POLA2: variants seen among roughly 807,000 people sequenced by gnomAD.
The protein encoded by POLA2 is DNA polymerase alpha 2, accessory subunit.
Under a neutral mutation model 82.8 loss-of-function variants are expected in POLA2, and 47 were observed. The observed-to-expected ratio is 0.57, with a 90% CI of 0.45 to 0.72. The LOEUF is 0.72. Among genes scored for constraint, POLA2 ranks in the 30% least tolerant of loss-of-function variants. The pLI is 0.00. For synonymous variants in POLA2, 287 were observed against 286.8 expected (o/e 1.00, Z -0.01); for missense variants, 634 against 728.1 (o/e 0.87, Z 1.49).
At chr11:65,269,779 G>T (rs969052305) in intron 4 of POLA2, among the ~76,000 whole-genome samples, 1 of 152,162 alleles carries the variant, frequency 6.6e-6, no homozygotes, top group Admixed American at 6.5e-5. Flanking sequence ...TAAGAAAGAG[G>T]TAATTTACAT....
chr11:65,266,973 C>T (rs746829457), intron 2 of POLA2, among the ~76,000 whole-genome samples: 12 of 152,122 alleles, frequency 7.9e-5, no homozygotes, highest in African/African-American at 2.4e-4. Context: ...TTTGGGAGGC[C>T]GAGGCAGGCA....
At chr11:65,305,407 G>T (rs1270415497) in exon 9 of POLA2, 1 of 456,094 alleles carries the variant, frequency 2.2e-6, no homozygotes, top group Non-Finnish European at 4.4e-6. Context: ...ATCAAAATAG[G>T]TGGAAACCAG....
At chr11:65,305,537 G>A (rs1004060325) in exon 9 of POLA2, 21 of 387,902 alleles carry the variant, frequency 5.4e-5, no homozygotes, top group Middle Eastern at 7.5e-4. Context: ...AGCTGGGCAC[G>A]GTGGTGCGTG....
chr11:65,278,725 A>C lies in POLA2; in HGVS notation c.462-5A>C. On this transcript the variant is annotated splice_region_variant and splice_polypyrimidine_tract_variant and intron_variant, in intron 5 of 17. Coordinates refer to ENST00000265465, the MANE Select transcript of POLA2 (RefSeq NM_002689.4). ...GTAATATTAACCTGTTTTGCTTCCA[A>C]TTAGTGCTACTCCCTCCCAGAAATA... is the stretch of plus-strand genomic sequence containing the variant. 6.2e-7 allele frequency: 1 copy of C among 1,611,194 alleles called. No individual in the cohort carries two copies. Among genetic ancestry groups the C allele is most frequent in the Non-Finnish European group, 8.5e-7 (1 of 1,178,640 alleles).
intron 12 of POLA2, 140 bp from the exon 13 acceptor site, chr11:65,289,659 A>C (rs766989445): frequency 5.0e-6 from 3 of 604,868 alleles, no homozygotes; most frequent in Non-Finnish European, 8.9e-6. Flanking sequence ...CTTAAGACAA[A>C]GACCATGTCT....
At chr11:65,278,291 T>C (rs189357147) in intron 5 of POLA2, among the ~76,000 whole-genome samples, 1 of 152,306 alleles carries the variant, frequency 6.6e-6, no homozygotes, top group East Asian at 1.9e-4. Context: ...TTGAACCATA[T>C]TGTGAGTTTT....
chr11:65,281,949 C>T (rs1280542344), intron 9 of POLA2, among the ~76,000 whole-genome samples: 1 of 152,222 alleles, frequency 6.6e-6, no homozygotes, highest in East Asian at 1.9e-4. Context: ...TATATGGTCT[C>T]TGTCACAATG....
chr11:65,289,640 A>T (rs1354454573), intron 12 of POLA2, among the ~76,000 whole-genome samples, 159 bp from the exon 13 acceptor site: 10 of 152,118 alleles, frequency 6.6e-5, no homozygotes, highest in Non-Finnish European at 1.5e-5. Context: ...CTTCGACTAG[A>T]CTTAGCTCCT....
intron 5 of POLA2, among the ~76,000 whole-genome samples, 153 bp from the exon 6 acceptor site, chr11:65,278,577 G>A (rs541284872): frequency 6.6e-6 from 1 of 152,278 alleles, no homozygotes; most frequent in African/African-American, 2.4e-5. Context: ...TTAAAGGTCT[G>A]GGTATGTCCA....
intron 4 of POLA2, among the ~76,000 whole-genome samples, chr11:65,271,462 C>T (rs1949520379): frequency 6.6e-6 from 1 of 152,202 alleles, no homozygotes; most frequent in African/African-American, 2.4e-5. Context: ...AATTTGTTTA[C>T]TTTACTATTG....
chr11:65,297,103 TCTC>T lies in POLA2; in HGVS notation c.1648-13_1648-11del. The T allele has an allele frequency of 6.2e-7, 1 of 1,613,600 alleles. No individual in the cohort carries two copies. The highest frequency in any genetic ancestry group is 2.2e-5 in the East Asian group (1 of 44,862). On this transcript the variant is annotated splice_polypyrimidine_tract_variant and intron_variant, in intron 17 of 17. Coordinates refer to ENST00000265465, the MANE Select transcript of POLA2 (RefSeq NM_002689.4). ...GTTGAGGCTCTCCAAACCTGTCACC[TCTC>T]CTCTCCTCCCCAGGATGTCCTCGGC...
chr11:65,267,630 T>A, intron 3 of POLA2, 62 bp downstream of exon 3: 1 of 1,088,040 alleles, frequency 9.2e-7, no homozygotes, highest in Non-Finnish European at 1.4e-6. Flanking sequence ...AATTTGTCTG[T>A]AGTCGCATGT....
intron 4 of POLA2, among the ~76,000 whole-genome samples, chr11:65,272,482 T>G (rs1450843788): frequency 6.6e-6 from 1 of 152,222 alleles, no homozygotes; most frequent in South Asian, 2.1e-4. Flanking sequence ...GATTGACAGC[T>G]GTTCTTTTGC....
chr11:65,301,629 G>A (rs1019323586), downstream of POLA2, among the ~76,000 whole-genome samples: 2 of 152,066 alleles, frequency 1.3e-5, no homozygotes, highest in African/African-American at 2.4e-5. Context: ...GGCAACATCC[G>A]CACCATGGAG....
At position 65,297,486 on chromosome 11, in the gene POLA2, A is replaced by G. The variant is rs192780935; in HGVS notation, c.*217A>G. 1.1e-4 allele frequency: 52 copies of G among 458,120 alleles called. 1 individual carries two copies. In the Admixed American group the frequency reaches 1.6e-3, roughly 14 times the overall value. The allele number at this position is 458,120 out of a possible 1,614,324, so 28.4% of individuals were successfully genotyped here. A position where few individuals can be genotyped will look rare whatever the true frequency, so the allele number is the denominator to read the frequency against. The stretch of plus-strand genomic sequence containing the variant: ...TCCTGGAAGGAAGCTCTTGCTTCTC[A>G]GTCCATGCTCCGTGTCCAGAAGTAA... On this transcript the variant is annotated 3_prime_UTR_variant, in exon 18 of 18. Coordinates refer to ENST00000265465, the MANE Select transcript of POLA2 (RefSeq NM_002689.4).
chr11:65,304,174 C>T (rs1949873206), intron 8 of POLA2, among the ~76,000 whole-genome samples: 1 of 152,184 alleles, frequency 6.6e-6, no homozygotes, highest in African/African-American at 2.4e-5. Flanking sequence ...CATCCGTCCA[C>T]CCATCCATTT....
chr11:65,266,336 A>G, intron 1 of POLA2: 1 of 482,244 alleles, frequency 2.1e-6, no homozygotes, highest in Non-Finnish European at 3.8e-6. Flanking sequence ...ATCATCTCTC[A>G]CCTGGGCTTT....
chr11:65,279,739 AT>A, intron 7 of POLA2, 113 bp downstream of exon 7: 2 of 757,870 alleles, frequency 2.6e-6, no homozygotes, highest in Non-Finnish European at 4.4e-6. Context: ...TAGTTTGAAC[AT>A]CTGTCTTGGT....
chr11:65,302,168 G>A (rs1399424732), downstream of POLA2, among the ~76,000 whole-genome samples: 2 of 152,224 alleles, frequency 1.3e-5, no homozygotes, highest in Non-Finnish European at 1.5e-5. Flanking sequence ...CCAGCAGCCA[G>A]CAGGACCCTA....
Sources: gnomAD v4.1 joint callset for allele counts (sites outside exome capture counted in the v4.1 genomes callset) on GRCh38, gnomAD v4.1.1 for gene constraint, MANE v1.5 for transcripts, NCBI Gene and HGNC (gene_info 2026-07-23, HGNC 2026-07-21) for gene names.